Variants in NTN1 observed in about 807,000 individuals in gnomAD.
NTN1 encodes netrin 1, also known as netrin-1.
Under a neutral mutation model 54.2 loss-of-function variants are expected in NTN1, and 11 were observed. The observed-to-expected ratio is 0.20, with a 90% confidence interval of 0.13 to 0.34. The LOEUF (loss-of-function observed/expected upper bound fraction) is 0.34, where lower values mean the gene tolerates loss of function less well. Among genes scored for constraint, NTN1 ranks in the 10% least tolerant of loss-of-function variants. The pLI, the probability that NTN1 is intolerant of heterozygous loss-of-function variation, is 1.00. For synonymous variants in NTN1, 371 were observed against 382.0 expected (o/e 0.97, Z 0.33); for missense variants, 740 against 893.1 (o/e 0.83, Z 2.18).
chr17:9,226,632 C>T (rs1905574412), intron 6 of NTN1, among the ~76,000 whole-genome samples: 1 of 152,088 alleles, frequency 6.6e-6, no homozygotes, highest in African/African-American at 2.4e-5. Context: ...CTTACAAATG[C>T]TTGGAGGAGA....
intron 1 of NTN1, 44 bp from the exon 2 acceptor site, chr17:9,022,267 G>A: frequency 1.7e-6 from 2 of 1,181,092 alleles, no homozygotes; most frequent in Non-Finnish European, 2.1e-6. Context: ...AGAGCTGGAG[G>A]GCGCGGGGCG....
At chr17:9,168,655 T>C (rs2092379487) in intron 3 of NTN1, among the ~76,000 whole-genome samples, 1 of 152,200 alleles carries the variant, frequency 6.6e-6, no homozygotes, top group Non-Finnish European at 1.5e-5. Context: ...TGTGTGAATA[T>C]GTGTGTTTAG....
intron 2 of NTN1, among the ~76,000 whole-genome samples, chr17:9,061,497 G>A (rs1340416770): frequency 3.3e-5 from 5 of 152,130 alleles, no homozygotes; most frequent in African/African-American, 1.2e-4. Context: ...TAGACAAGTG[G>A]TTGTCACATT....
At chr17:9,034,300 G>A (rs1395172553) in intron 2 of NTN1, among the ~76,000 whole-genome samples, 1 of 152,092 alleles carries the variant, frequency 6.6e-6, no homozygotes. Flanking sequence ...TAGACCTTGG[G>A]ATTTTATCAG....
At chr17:9,177,533 G>T (rs2092403626) in intron 3 of NTN1, 1 of 152,274 alleles carries the variant, frequency 6.6e-6, no homozygotes, top group Non-Finnish European at 1.5e-5. Context: ...GCTCGGAGGG[G>T]AGAATGTCTT....
chr17:9,239,528 T>TAG lies in NTN1; in HGVS notation c.1487-112_1487-111insAG. 1 of 1,049,610 alleles carries TAG rather than the reference T, an allele frequency of 9.5e-7. No individual in the cohort carries two copies. Among genetic ancestry groups the TAG allele is most frequent in the East Asian group, 2.5e-5 (1 of 39,876 alleles). 65.0% of individuals were successfully genotyped at this position (1,049,610 alleles called of 1,614,324 possible). ...CCACGCGCTCCTGTATGGGCCACTC[T>TAG]GTGCAGTCACTTCCTGGGGCTGGGT... On this transcript the variant is annotated intron_variant, in intron 6 of 6. Transcript: ENST00000173229. This position sits in a 1 kb window ranked among gnomAD's most constrained non-coding sequence, Gnocchi z 5.2.
chr17:9,233,888 C>T (rs575861633), intron 6 of NTN1, among the ~76,000 whole-genome samples: 28 of 152,290 alleles, frequency 1.8e-4, no homozygotes, highest in African/African-American at 6.0e-4. Context: ...CAGGGCTGGT[C>T]TCCTCCCCAG....
At chr17:9,051,383 G>C (rs2091960010) in intron 2 of NTN1, among the ~76,000 whole-genome samples, 1 of 152,286 alleles carries the variant, frequency 6.6e-6, no homozygotes, top group South Asian at 2.1e-4. Flanking sequence ...CCTGGGTCCG[G>C]ATTCGTTAGA....
intron 2 of NTN1, among the ~76,000 whole-genome samples, chr17:9,162,311 C>T (rs1202357786): frequency 2.6e-5 from 4 of 152,210 alleles, no homozygotes; most frequent in African/African-American, 7.2e-5. Context: ...GTTTACTTCT[C>T]ACAGTTCTGC....
the NTN1 span, among the ~76,000 whole-genome samples, chr17:9,007,253 CTTCT>C: frequency 1.4e-5 from 2 of 139,554 alleles, no homozygotes; most frequent in African/African-American, 2.7e-5. Flanking sequence ...TCCTTCCTTC[CTTCT>C]CTTTCTCTCT....
chr17:9,194,807 C>T (rs1904579009), intron 5 of NTN1, among the ~76,000 whole-genome samples: 1 of 152,196 alleles, frequency 6.6e-6, no homozygotes, highest in Non-Finnish European at 1.5e-5. Context: ...AGTGGGGGGA[C>T]CTGCTCATTG....
intron 5 of NTN1, among the ~76,000 whole-genome samples, chr17:9,203,096 T>A (rs1373486405): frequency 6.6e-6 from 1 of 152,040 alleles, no homozygotes; most frequent in Non-Finnish European, 1.5e-5. Context: ...TAATTTTTTT[T>A]ATTTTTACTA....
At chr17:9,061,905 A>G (rs183470902) in intron 2 of NTN1, among the ~76,000 whole-genome samples, 5 of 152,036 alleles carry the variant, frequency 3.3e-5, no homozygotes, top group Admixed American at 1.3e-4. Context: ...GTGTTTCACC[A>G]TGTTGGCCAG....
chr17:9,186,614 A>G (rs1440634145), intron 5 of NTN1, among the ~76,000 whole-genome samples: 2 of 152,170 alleles, frequency 1.3e-5, no homozygotes, highest in Admixed American at 1.3e-4. Context: ...ACCCTTGCAC[A>G]TTACCTTGAT....
At chr17:9,076,646 G>A (rs2092051038) in intron 2 of NTN1, among the ~76,000 whole-genome samples, 2 of 152,188 alleles carry the variant, frequency 1.3e-5, no homozygotes, top group South Asian at 2.1e-4. Flanking sequence ...AAAGTGCTGG[G>A]ATTATAGGCA....
intron 2 of NTN1, among the ~76,000 whole-genome samples, chr17:9,152,892 C>G (rs920649713): frequency 6.6e-6 from 1 of 152,200 alleles, no homozygotes; most frequent in African/African-American, 2.4e-5. Context: ...TCCAGGCTTC[C>G]CACATCAGGC....
At chr17:9,233,857 CTG>C (rs1271093443) in intron 6 of NTN1, among the ~76,000 whole-genome samples, 3 of 152,184 alleles carry the variant, frequency 2.0e-5, no homozygotes, top group African/African-American at 4.8e-5. Flanking sequence ...CCAGGCCTGA[CTG>C]TGCCCACCTC....
At chr17:9,054,347 C>T (rs1164425474) in intron 2 of NTN1, among the ~76,000 whole-genome samples, 1 of 152,186 alleles carries the variant, frequency 6.6e-6, no homozygotes, top group African/African-American at 2.4e-5. Flanking sequence ...CACGAGAGCC[C>T]GCCTTGGGAG....
At position 9,178,226 on chromosome 17, in the gene NTN1, T is replaced by G. The variant is rs981343374; in HGVS notation, c.1208-1581T>G. Reference sequence around the variant, plus strand: ...GAAAAGAAAAACAACCCAGCATTACTTCTATCTATAAGAAGCAGCAGCAAG... The same window carrying G: ...GAAAAGAAAAACAACCCAGCATTACGTCTATCTATAAGAAGCAGCAGCAAG... On this transcript the variant is annotated intron_variant, in intron 3 of 6. Transcript: ENST00000173229. Among the ~76,000 whole-genome samples, 4 of 152,304 alleles carry G rather than the reference T, an allele frequency of 2.6e-5. No homozygotes were observed. In the South Asian group the frequency reaches 8.3e-4, roughly 32 times the overall value.
Sources: allele counts gnomAD v4.1 joint callset (sites outside exome capture counted in the v4.1 genomes callset), GRCh38; gene constraint gnomAD v4.1.1; non-coding constraint Gnocchi (gnomAD v3.1); transcripts MANE v1.5; gene names NCBI Gene and HGNC (gene_info 2026-07-23, HGNC 2026-07-21).